PGBD2: variants seen among roughly 807,000 people sequenced by gnomAD.
The protein encoded by PGBD2 is piggyBac transposable element-derived protein 2.
In PGBD2, 6 loss-of-function variants were observed where a neutral mutation model predicts 8.1. That is an observed-to-expected ratio of 0.74 (90% CI 0.40 to 1.46). The LOEUF (loss-of-function observed/expected upper bound fraction) is 1.46, where lower values mean the gene tolerates loss of function less well. Among genes scored for constraint, PGBD2 ranks in the 40% most tolerant of loss-of-function variants. PGBD2 has a pLI of 0.02. For missense variants in PGBD2, 802 were observed against 739.0 expected (o/e 1.09, Z -0.99); for synonymous variants, 318 against 272.2 (o/e 1.17, Z -1.66).
At chr1:248,898,463 T>C in the PGBD2 span, among the ~76,000 whole-genome samples, 6 of 152,178 alleles carry the variant, frequency 3.9e-5, no homozygotes, top group Non-Finnish European at 8.8e-5. Flanking sequence ...TCAACATTTT[T>C]AAAGAAAAGA....
intron 1 of PGBD2, among the ~76,000 whole-genome samples, chr1:248,909,254 A>G (rs1470169449): frequency 6.6e-6 from 1 of 151,816 alleles, no homozygotes; most frequent in African/African-American, 2.4e-5. Context: ...CAGTCTACAG[A>G]CTCCTGAAAG....
chr1:248,923,007 GT>G, downstream of PGBD2, among the ~76,000 whole-genome samples: 1 of 152,182 alleles, frequency 6.6e-6, no homozygotes, highest in East Asian at 1.9e-4. Flanking sequence ...TTTTTCTATT[GT>G]TTGGAATAGT....
the PGBD2 span, among the ~76,000 whole-genome samples, chr1:248,928,081 T>C: frequency 1.3e-5 from 2 of 152,212 alleles, no homozygotes; most frequent in Non-Finnish European, 2.9e-5. Context: ...GTTTTTGTTG[T>C]TGTTTGCTTT....
chr1:248,882,982 G>A, the PGBD2 span, among the ~76,000 whole-genome samples: 1 of 152,052 alleles, frequency 6.6e-6, no homozygotes, highest in Non-Finnish European at 1.5e-5. Context: ...GTGATCCAGA[G>A]CCTTAAAAAA....
the PGBD2 span, among the ~76,000 whole-genome samples, chr1:248,886,936 C>T: frequency 6.6e-6 from 1 of 152,154 alleles, no homozygotes; most frequent in Admixed American, 6.5e-5. Context: ...GGGGGTAAAA[C>T]TCTGCAGCAT....
At chr1:248,908,566 C>T (rs537310198) in intron 1 of PGBD2, among the ~76,000 whole-genome samples, 2 of 152,126 alleles carry the variant, frequency 1.3e-5, no homozygotes, top group African/African-American at 4.8e-5. Flanking sequence ...ACCCTTTTGC[C>T]GTAGCCTTTT....
the PGBD2 span, among the ~76,000 whole-genome samples, chr1:248,894,278 TTTTTTTTGTGG>T: frequency 1.6e-4 from 25 of 151,666 alleles, no homozygotes; most frequent in African/African-American, 5.6e-4. Flanking sequence ...TATTTTTGGG[TTTTTTTTGTGG>T]TTTTTTTTGC....
chr1:248,881,107 T>G, the PGBD2 span, among the ~76,000 whole-genome samples: 2 of 152,070 alleles, frequency 1.3e-5, no homozygotes, highest in South Asian at 2.1e-4. Context: ...AAACATCCCG[T>G]GGAGTATCTG....
the PGBD2 span, among the ~76,000 whole-genome samples, chr1:248,882,498 A>G: frequency 1.3e-5 from 2 of 152,220 alleles, no homozygotes; most frequent in Non-Finnish European, 2.9e-5. Flanking sequence ...CAAACAATCC[A>G]TAGAAACAGG....
chr1:248,901,045 G>T, the PGBD2 span, among the ~76,000 whole-genome samples: 1 of 151,836 alleles, frequency 6.6e-6, no homozygotes, highest in Non-Finnish European at 1.5e-5. Context: ...GGAAGTGAAG[G>T]ACCTCTTCAA....
At chr1:248,923,311 T>G (rs1228354167), downstream of PGBD2, among the ~76,000 whole-genome samples, 1 of 152,252 alleles carries the variant, frequency 6.6e-6, no homozygotes, top group Non-Finnish European at 1.5e-5. Context: ...ATATCCCCTA[T>G]ATGCTTTCTT....
upstream of PGBD2, among the ~76,000 whole-genome samples, chr1:248,905,906 T>C (rs1661615497): frequency 6.6e-6 from 1 of 152,212 alleles, no homozygotes; most frequent in Admixed American, 6.5e-5. Flanking sequence ...AAGATTTGCA[T>C]TTCCATCGAT....
chr1:248,893,777 T>G, the PGBD2 span, among the ~76,000 whole-genome samples: 1 of 152,256 alleles, frequency 6.6e-6, no homozygotes, highest in Non-Finnish European at 1.5e-5. Context: ...CTGGATTATT[T>G]GACAGTTCTA....
the PGBD2 span, among the ~76,000 whole-genome samples, chr1:248,927,473 A>G: frequency 2.6e-5 from 4 of 152,212 alleles, no homozygotes; most frequent in African/African-American, 9.7e-5. Flanking sequence ...GAGTCAGCAA[A>G]TATTTTCTGC....
intron 2 of PGBD2, among the ~76,000 whole-genome samples, chr1:248,915,060 C>A (rs1473349081): frequency 6.6e-6 from 1 of 152,234 alleles, no homozygotes; most frequent in Non-Finnish European, 1.5e-5. Context: ...ACCATTCTGT[C>A]CAAAATAGCA....
At chr1:248,895,736 G>A in the PGBD2 span, among the ~76,000 whole-genome samples, 1 of 151,928 alleles carries the variant, frequency 6.6e-6, no homozygotes, top group Admixed American at 6.6e-5. Flanking sequence ...TCACCAGGCT[G>A]GAGTGCAGTG....
chr1:248,928,431 G>C, the PGBD2 span, among the ~76,000 whole-genome samples: 1 of 152,152 alleles, frequency 6.6e-6, no homozygotes, highest in African/African-American at 2.4e-5. Context: ...TAATCTCAGT[G>C]ACAAGGGAAC....
Position 248,917,061 on chromosome 1 carries a change from T to G in PGBD2, c.477T>G (p.Asn159Lys). The G allele has an allele frequency of 1.9e-6, 3 of 1,613,968 alleles. No individual in the cohort carries two copies. Among genetic ancestry groups the G allele is most frequent in the Non-Finnish European group, 2.5e-6 (3 of 1,179,984 alleles). ...FDEGTINFIV[N>K]ETNRYAWQKN... ...AAGGAACAATTAATTTCATTGTTAA[T>G]GAAACCAATCGTTATGCTTGGCAGA... The change falls in exon 3 of 3, where the codon AAT becomes AAG. Residue 159 changes from asparagine (N) to lysine (K), a missense_variant. Transcript: ENST00000329291.
intron 1 of PGBD2, 141 bp from the exon 2 acceptor site, chr1:248,913,675 T>C: frequency 1.6e-6 from 1 of 613,362 alleles, no homozygotes; most frequent in Non-Finnish European, 2.9e-6. Flanking sequence ...CTTTTCCCTC[T>C]GAATAACCAG....
Sources: gnomAD v4.1 joint callset for allele counts (sites outside exome capture counted in the v4.1 genomes callset) on GRCh38, gnomAD v4.1.1 for gene constraint, MANE v1.5 for transcripts, NCBI Gene and HGNC (gene_info 2026-07-23, HGNC 2026-07-21) for gene names.